The following ME3 variants were observed in gnomAD, a reference collection of about 807,000 sequenced individuals.
The protein encoded by ME3 is NADP-dependent malic enzyme, mitochondrial.
A neutral mutation model predicts 68.9 loss-of-function variants in ME3; 48 were observed. That is an observed-to-expected ratio of 0.70 (90% CI 0.55 to 0.89). ME3 has a LOEUF of 0.89. ME3 is among the 40% of genes least tolerant of loss of function. The pLI is 0.00. For synonymous variants in ME3, 320 were observed against 318.8 expected (o/e 1.00, Z -0.04); for missense variants, 675 against 797.4 (o/e 0.85, Z 1.85).
intron 10 of ME3, among the ~76,000 whole-genome samples, chr11:86,449,115 T>G (rs1369258318): frequency 1.3e-5 from 2 of 152,228 alleles, no homozygotes; most frequent in African/African-American, 4.8e-5. Context: ...TGAGGATCTC[T>G]GCCATTCTTG....
chr11:86,527,764 A>G (rs1362752734), intron 4 of ME3, among the ~76,000 whole-genome samples: 1 of 152,226 alleles, frequency 6.6e-6, no homozygotes, highest in African/African-American at 2.4e-5. Flanking sequence ...CTAGCTTCAT[A>G]AGTGAAGGAG....
At chr11:86,475,935 C>T (rs191318120) in intron 7 of ME3, among the ~76,000 whole-genome samples, 1 of 149,430 alleles carries the variant, frequency 6.7e-6, no homozygotes, top group East Asian at 2.0e-4. Context: ...CAGTGACCCT[C>T]TATGCTGAGA....
rs1341853825 is a variant in ME3 at position 86,595,194 on chromosome 11, GAAAT to G, written c.184-35375_184-35372del. On this transcript the variant is annotated intron_variant, in intron 2 of 14. Transcript: ENST00000543262. Reference sequence around the variant, plus strand: ...AATAAGTAAATAAAATATAAATAAAGAAATAAAATAGGTAAAAATATGTGTTTAA... The same window carrying G: ...AATAAGTAAATAAAATATAAATAAAGAAAATAGGTAAAAATATGTGTTTAA... Among the ~76,000 whole-genome samples, 4 of 144,034 alleles carry G rather than the reference GAAAT, an allele frequency of 2.8e-5. 1 individual carries two copies. The highest frequency in any genetic ancestry group is 2.4e-4 in the East Asian group (1 of 4,090). The allele number at this position is 144,034 out of a possible 152,430, so 94.5% of individuals were successfully genotyped here. A position where few individuals can be genotyped will look rare whatever the true frequency, so the allele number is the denominator to read the frequency against.
Position 86,506,214 on chromosome 11 carries a change from A to G in ME3, c.543+2578T>C, listed in dbSNP as rs567432953. Among the ~76,000 whole-genome samples, 49 of 151,956 alleles carry G rather than the reference A, an allele frequency of 3.2e-4. 1 individual carries two copies. Among genetic ancestry groups the G allele is most frequent in the Non-Finnish European group, 5.6e-4 (38 of 67,974 alleles). On this transcript the variant is annotated intron_variant, in intron 5 of 14. Coordinates refer to ENST00000543262, the Ensembl canonical transcript of ME3. ...CTTATTTGGGGCCTGCTGGAGTCCTACCTCTTCCAGGGTGCCCAAAGCCCT... is the reference window on the plus strand; with the variant it reads ...CTTATTTGGGGCCTGCTGGAGTCCTGCCTCTTCCAGGGTGCCCAAAGCCCT...
At position 86,670,224 on chromosome 11, in the gene ME3, A is replaced by C. The variant is rs115839463; in HGVS notation, c.183+1538T>G. ...TTTTCTCTTCCCCAAGAGCTACCAGAATAAAAGTATCTTTCTATTCCTGGA... is the reference window on the plus strand; with the variant it reads ...TTTTCTCTTCCCCAAGAGCTACCAGCATAAAAGTATCTTTCTATTCCTGGA... On this transcript the variant is annotated intron_variant, in intron 2 of 14. Coordinates refer to ENST00000543262, the Ensembl canonical transcript of ME3. 6.3e-3 allele frequency among the ~76,000 whole-genome samples: 959 copies of C among 152,334 alleles called. 4 individuals are homozygous for C. Among genetic ancestry groups the C allele is most frequent in the African/African-American group, 0.022 (916 of 41,578 alleles).
At chr11:86,650,075 A>G (rs943152265) in intron 2 of ME3, among the ~76,000 whole-genome samples, 17 of 152,222 alleles carry the variant, frequency 1.1e-4, no homozygotes, top group African/African-American at 4.1e-4. Flanking sequence ...ATGCTACAGT[A>G]AACAAAACAG....
chr11:86,608,836 T>C (rs1942345815), intron 2 of ME3, among the ~76,000 whole-genome samples: 2 of 152,232 alleles, frequency 1.3e-5, no homozygotes, highest in South Asian at 2.1e-4. Context: ...AATTCACTGG[T>C]AAGTCTTGGT....
intron 2 of ME3, among the ~76,000 whole-genome samples, chr11:86,670,672 A>G (rs550006981): frequency 3.3e-5 from 5 of 152,132 alleles, no homozygotes; most frequent in Non-Finnish European, 5.9e-5. Flanking sequence ...AATACTTCAC[A>G]TTATATAGTT....
At chr11:86,531,984 A>C (rs1955274901) in intron 4 of ME3, among the ~76,000 whole-genome samples, 1 of 105,390 alleles carries the variant, frequency 9.5e-6, no homozygotes, top group South Asian at 3.9e-4. Context: ...AATTAAAAAA[A>C]ACCAAACCAA....
chr11:86,621,000 C>A (rs146309584), intron 2 of ME3, among the ~76,000 whole-genome samples: 1 of 152,080 alleles, frequency 6.6e-6, no homozygotes, highest in African/African-American at 2.4e-5. Context: ...GGTTCCTGAC[C>A]GGGCCTCCAC....
chr11:86,611,680 G>A (rs1323299462), intron 2 of ME3, among the ~76,000 whole-genome samples: 1 of 151,928 alleles, frequency 6.6e-6, no homozygotes, highest in Non-Finnish European at 1.5e-5. Context: ...TCATGCAATG[G>A]GAAGACTCTA....
chr11:86,526,805 C>T (rs1270531865), intron 4 of ME3, among the ~76,000 whole-genome samples: 1 of 152,180 alleles, frequency 6.6e-6, no homozygotes, highest in African/African-American at 2.4e-5. Context: ...AGCTGAGGGT[C>T]CTAACTGTTA....
intron 7 of ME3, among the ~76,000 whole-genome samples, chr11:86,475,872 T>G (rs59982776): frequency 0.28 from 28,926 of 102,008 alleles, 3,604 homozygotes; most frequent in African/African-American, 0.35. Context: ...TATATATATA[T>G]ATAGAGAGAG....
At chr11:86,548,905 G>A (rs1353384486) in intron 4 of ME3, among the ~76,000 whole-genome samples, 3 of 152,180 alleles carry the variant, frequency 2.0e-5, no homozygotes, top group Non-Finnish European at 4.4e-5. Flanking sequence ...GATGGTCTCT[G>A]TTCACTTTGC....
At chr11:86,521,422 ACAAAAC>A (rs1565893976) in intron 4 of ME3, among the ~76,000 whole-genome samples, 5,029 of 101,892 alleles carry the variant, frequency 0.049, 170 homozygotes, top group South Asian at 0.086. Flanking sequence ...ACAAAACAAA[ACAAAAC>A]AAAAATAATA....
In ME3 at chr11:86,671,755, C is replaced by T; in HGVS notation, c.183+7G>A. The T allele has an allele frequency of 6.2e-7, 1 of 1,602,488 alleles. No homozygotes were observed. The highest frequency in any genetic ancestry group is 2.3e-5 in the East Asian group (1 of 43,284). ...AACGCGGGCCGTCCTGCCCTCTGGCCCATTACCTTGTTGAGATGAGGGTTC... is the reference window on the plus strand; with the variant it reads ...AACGCGGGCCGTCCTGCCCTCTGGCTCATTACCTTGTTGAGATGAGGGTTC... On this transcript the variant is annotated splice_region_variant and intron_variant, in intron 2 of 14. Coordinates refer to ENST00000543262, the Ensembl canonical transcript of ME3.
At chr11:86,672,051 C>G in intron 1 of ME3, 93 bp from the exon 2 acceptor site, 1 of 1,079,048 alleles carries the variant, frequency 9.3e-7, no homozygotes, top group Non-Finnish European at 1.2e-6. Flanking sequence ...CGGGGACGCG[C>G]CCTCTGGGAG....
At chr11:86,450,385 A>T in exon 9 of ME3, 1 of 1,613,998 alleles carries the variant, frequency 6.2e-7, no homozygotes, top group Non-Finnish European at 8.5e-7. Flanking sequence ...CTGCCACAGC[A>T]ACGGAGGCTG....
chr11:86,530,500 T>C (rs1207358854), intron 4 of ME3, among the ~76,000 whole-genome samples: 3 of 152,032 alleles, frequency 2.0e-5, no homozygotes, highest in Admixed American at 6.5e-5. Flanking sequence ...AAAAACTACT[T>C]TAAAGTTCAT....
Sources: gnomAD v4.1 joint callset for allele counts (sites outside exome capture counted in the v4.1 genomes callset) on GRCh38, gnomAD v4.1.1 for gene constraint, MANE v1.5 for transcripts, NCBI Gene and HGNC (gene_info 2026-07-23, HGNC 2026-07-21) for gene names.